Variants in TRIM34 observed in about 807,000 individuals in gnomAD.
TRIM34 encodes the protein E3 ubiquitin-protein ligase TRIM34.
In TRIM34, 41 loss-of-function variants were observed where a neutral mutation model predicts 38.1. The ratio of observed to expected loss-of-function variants is 1.08; its 90% CI spans 0.84 to 1.40. TRIM34 has a LOEUF of 1.40. Ranked by LOEUF, TRIM34 falls within the 40% of genes most tolerant of loss-of-function variation. TRIM34 has a pLI of 0.00. For synonymous variants in TRIM34, 200 were observed against 202.5 expected (o/e 0.99, Z 0.10); for missense variants, 556 against 571.4 (o/e 0.97, Z 0.27).
chr11:5,637,826 G>A (rs10838471), intron 4 of TRIM34, among the ~76,000 whole-genome samples: 48,175 of 151,986 alleles, frequency 0.32, 8,654 homozygotes, highest in East Asian at 0.62. Context: ...AGTACCTCAT[G>A]TAAGTGGAAT....
At chr11:5,629,808 C>T (rs1404469927) in intron 1 of TRIM34, among the ~76,000 whole-genome samples, 3 of 152,166 alleles carry the variant, frequency 2.0e-5, no homozygotes, top group Admixed American at 2.0e-4. Context: ...CCCGGGTTCA[C>T]GCCATTCTCC....
chr11:5,643,467 G>C lies in TRIM34; in HGVS notation c.1225G>C (p.Gly409Arg). Residue 409 changes from glycine (G) to arginine (R), a missense_variant, in exon 8 of 8, where the codon GGT becomes CGT. Gly to Arg is a moderately radical substitution (Grantham distance 125). Coordinates refer to ENST00000429814, the MANE Select transcript of TRIM34 (RefSeq NM_021616.6). Reference protein sequence around the residue: ...VIGLQNKCKYGVFEESLSSDP... With the variant: ...VIGLQNKCKYRVFEESLSSDP... Reference sequence around the variant, plus strand: ...AGGGTTACAGAATAAATGTAAGTATGGTGTCTTTGAAGAGTCTTTGTCCTC... The same window carrying C: ...AGGGTTACAGAATAAATGTAAGTATCGTGTCTTTGAAGAGTCTTTGTCCTC... 6.2e-7 allele frequency: 1 copy of C among 1,614,148 alleles called. No homozygotes were observed. Among genetic ancestry groups the C allele is most frequent in the Non-Finnish European group, 8.5e-7 (1 of 1,180,018 alleles).
upstream of TRIM34, among the ~76,000 whole-genome samples, chr11:5,622,440 C>T (rs1251376668): frequency 7.3e-6 from 1 of 137,676 alleles, no homozygotes; most frequent in East Asian, 2.4e-4. Context: ...GCGAGACTAC[C>T]TCTCAAAAAA....
chr11:5,637,005 G>A (rs1397618599), intron 4 of TRIM34, among the ~76,000 whole-genome samples: 1 of 152,052 alleles, frequency 6.6e-6, no homozygotes, highest in African/African-American at 2.4e-5. Flanking sequence ...AATTAGCCGG[G>A]CATTTTATAA....
intron 4 of TRIM34, among the ~76,000 whole-genome samples, chr11:5,636,936 G>A (rs1849761270): frequency 6.6e-6 from 1 of 152,172 alleles, no homozygotes; most frequent in African/African-American, 2.4e-5. Context: ...CACGAGGTCA[G>A]GAGATCGAGA....
chr11:5,634,492 TACACACACAC>T (rs3060967), intron 3 of TRIM34, 129 bp from the exon 4 acceptor site: 283 of 228,022 alleles, frequency 1.2e-3, no homozygotes, highest in African/African-American at 6.3e-3. Context: ...ATAATATAAA[TACACACACAC>T]ACACACACAC....
upstream of TRIM34, chr11:5,624,688 T>C (rs1297690749): frequency 6.6e-6 from 1 of 152,190 alleles, no homozygotes; most frequent in Admixed American, 6.5e-5. Context: ...CTTAGCGGCA[T>C]CTGTGACCTG....
intron 4 of TRIM34, 137 bp from the exon 5 acceptor site, chr11:5,641,030 T>C: frequency 4.7e-6 from 6 of 1,266,796 alleles, no homozygotes; most frequent in Non-Finnish European, 6.3e-6. Flanking sequence ...TCTAGCTAAA[T>C]GTTTGCCAAT....
At chr11:5,622,638 T>TAA (rs59287938), upstream of TRIM34, among the ~76,000 whole-genome samples, 1 of 151,436 alleles carries the variant, frequency 6.6e-6, no homozygotes, top group Non-Finnish European at 1.5e-5. Context: ...AACAAACAAA[T>TAA]AAAAAAAACC....
At chr11:5,634,924 T>A in intron 4 of TRIM34, 63 bp downstream of exon 4, 1 of 1,549,120 alleles carries the variant, frequency 6.5e-7, no homozygotes, top group Non-Finnish European at 8.7e-7. Context: ...CCTTGCGTTC[T>A]CATCCTGGTG....
intron 4 of TRIM34, among the ~76,000 whole-genome samples, chr11:5,637,101 A>G (rs1216378962): frequency 6.6e-6 from 1 of 152,134 alleles, no homozygotes; most frequent in Non-Finnish European, 1.5e-5. Flanking sequence ...TGAACCCAGG[A>G]GGCGGAGCTT....
chr11:5,621,730 C>T, upstream of TRIM34, among the ~76,000 whole-genome samples: 1 of 152,160 alleles, frequency 6.6e-6, no homozygotes, highest in East Asian at 1.9e-4. Flanking sequence ...TCCCTCTGCT[C>T]ACTGACATAA....
intron 4 of TRIM34, among the ~76,000 whole-genome samples, chr11:5,635,912 T>C (rs183905394): frequency 2.2e-3 from 332 of 152,372 alleles, no homozygotes; most frequent in Non-Finnish European, 3.7e-3. Context: ...TGTGAAGAAA[T>C]TGAAACCTTC....
At chr11:5,626,421 T>C (rs1849236294) in intron 1 of TRIM34, among the ~76,000 whole-genome samples, 1 of 152,234 alleles carries the variant, frequency 6.6e-6, no homozygotes, top group Non-Finnish European at 1.5e-5. Flanking sequence ...GCCTTGCAAC[T>C]TTAAATAGTT....
intron 4 of TRIM34, among the ~76,000 whole-genome samples, chr11:5,638,318 A>G (rs756793464): frequency 1.4e-4 from 21 of 152,262 alleles, no homozygotes; most frequent in Non-Finnish European, 2.8e-4. Context: ...AGGCACAGAG[A>G]GGCCAGAATT....
At chr11:5,635,324 C>T (rs960453280) in intron 4 of TRIM34, among the ~76,000 whole-genome samples, 1 of 148,084 alleles carries the variant, frequency 6.8e-6, no homozygotes, top group Non-Finnish European at 1.5e-5. Flanking sequence ...GGTGCGATCT[C>T]GGCTCACTGC....
chr11:5,626,195 T>A (rs576248526), intron 1 of TRIM34, among the ~76,000 whole-genome samples: 1 of 152,306 alleles, frequency 6.6e-6, no homozygotes, highest in Admixed American at 6.5e-5. Context: ...TGGGATAAAA[T>A]TGATTATAAA....
chr11:5,641,353 C>T (rs1026971751), intron 5 of TRIM34, 164 bp downstream of exon 5: 31 of 1,458,170 alleles, frequency 2.1e-5, no homozygotes, highest in East Asian at 1.8e-4. Context: ...TTGAGTGTTC[C>T]GTAACTATTA....
chr11:5,632,383 T>G lies in TRIM34; in HGVS notation c.52T>G (p.Cys18Gly). Reference sequence around the variant, plus strand: ...ACAAGAGGAGGTGACCTGTCCCATCTGCCTGGAGCTGTTGACAGAACCCTT... The same window carrying G: ...ACAAGAGGAGGTGACCTGTCCCATCGGCCTGGAGCTGTTGACAGAACCCTT... ...NVQEEVTCPI[C>G]LELLTEPLSL... The change falls in exon 2 of 8, where the codon TGC (cysteine) becomes GGC (glycine). Residue 18 changes from cysteine (C) to glycine (G), a missense_variant. Coordinates refer to ENST00000429814, the MANE Select transcript of TRIM34 (RefSeq NM_021616.6). The G allele has an allele frequency of 1.9e-6, 3 of 1,614,142 alleles. No homozygotes were observed. Among genetic ancestry groups the G allele is most frequent in the Admixed American group, 1.7e-5 (1 of 60,014 alleles).
Sources: gnomAD v4.1 joint callset for allele counts (sites outside exome capture counted in the v4.1 genomes callset) on GRCh38, gnomAD v4.1.1 for gene constraint, MANE v1.5 for transcripts, NCBI Gene and HGNC (gene_info 2026-07-23, HGNC 2026-07-21) for gene names.